The following BID variants were observed in gnomAD, a reference collection of about 807,000 sequenced individuals.
BID encodes BH3 interacting domain death agonist.
In BID, 19 loss-of-function variants were observed where a neutral mutation model predicts 17.4. The observed-to-expected ratio is 1.09, with a 90% CI of 0.76 to 1.60. The LOEUF (loss-of-function observed/expected upper bound fraction) is 1.60, where lower values mean the gene tolerates loss of function less well. BID is among the 40% of genes most tolerant of loss of function. The probability of loss-of-function intolerance (pLI) is 0.00; values close to 1 mark genes in which losing one functional copy is unlikely to be tolerated. For missense variants in BID, 226 were observed against 256.0 expected (o/e 0.88, Z 0.80); for synonymous variants, 108 against 102.8 (o/e 1.05, Z -0.31).
intron 2 of BID, among the ~76,000 whole-genome samples, chr22:17,747,256 C>T (rs1219941634): frequency 6.6e-6 from 1 of 152,182 alleles, no homozygotes; most frequent in Non-Finnish European, 1.5e-5. Flanking sequence ...AGATGGATGC[C>T]ATTTAATTCC....
At position 17,773,497 on chromosome 22, in the gene BID, C is replaced by T. The variant is rs558658535; in HGVS notation, c.-59+884G>A. 3.6e-6 allele frequency: 4 copies of T among 1,100,164 alleles called. No individual in the cohort carries two copies. The highest frequency in any genetic ancestry group is 5.0e-5 in the East Asian group (2 of 39,606). 68.2% of individuals were successfully genotyped at this position (1,100,164 alleles called of 1,614,324 possible). On this transcript the variant is annotated intron_variant, in intron 1 of 5. Coordinates refer to ENST00000622694, the MANE Select transcript of BID (RefSeq NM_001196.4). This position sits in a 1 kb window ranked among gnomAD's most constrained non-coding sequence, Gnocchi z 4.4. ...TAAGGCTCCAGGAAGGGGGTGCAAG[C>T]CTGAGAAGGTGGAAGAGCTCTGGGT...
chr22:17,767,781 G>A (rs928696080), intron 1 of BID, among the ~76,000 whole-genome samples: 2 of 152,138 alleles, frequency 1.3e-5, no homozygotes, highest in Admixed American at 6.5e-5. Flanking sequence ...CAGCGTCCGC[G>A]AAGTGAAAAG....
At chr22:17,755,148 G>A (rs1045446784) in intron 1 of BID, among the ~76,000 whole-genome samples, 5 of 140,248 alleles carry the variant, frequency 3.6e-5, no homozygotes, top group Middle Eastern at 3.7e-3. Flanking sequence ...GCGGTGGCAC[G>A]ATCTCAGCTC....
chr22:17,765,306 G>T (rs772088421), intron 1 of BID, among the ~76,000 whole-genome samples: 2 of 152,152 alleles, frequency 1.3e-5, no homozygotes, highest in Admixed American at 1.3e-4. Context: ...GGGGAACTGA[G>T]GCATTGAAAG....
chr22:17,743,462 C>T (rs1042416140), intron 3 of BID, among the ~76,000 whole-genome samples: 7 of 152,230 alleles, frequency 4.6e-5, no homozygotes, highest in Non-Finnish European at 1.0e-4. Flanking sequence ...GACAAGTGGT[C>T]TGCAATCTTT....
intron 1 of BID, among the ~76,000 whole-genome samples, chr22:17,757,992 G>A (rs1383096775): frequency 6.6e-6 from 1 of 152,188 alleles, no homozygotes; most frequent in Non-Finnish European, 1.5e-5. Flanking sequence ...TGGCCATGTG[G>A]GGCTGACAGC....
intron 2 of BID, among the ~76,000 whole-genome samples, chr22:17,749,472 G>A (rs184281461): frequency 2.6e-4 from 40 of 152,264 alleles, no homozygotes; most frequent in African/African-American, 7.7e-4. Context: ...AAGCCACCTC[G>A]CCCAGCTATG....
At chr22:17,746,174 T>C (rs1292673774) in intron 2 of BID, among the ~76,000 whole-genome samples, 3 of 146,962 alleles carry the variant, frequency 2.0e-5, no homozygotes, top group Non-Finnish European at 3.0e-5. Flanking sequence ...AAACAATGGG[T>C]GCCCATGGAC....
chr22:17,759,259 A>AAAAAAAAAAAAC (rs2061618685), intron 1 of BID, among the ~76,000 whole-genome samples: 1 of 95,462 alleles, frequency 1.0e-5, no homozygotes, highest in Non-Finnish European at 2.5e-5. Context: ...AAAAAAAAAA[A>AAAAAAAAAAAAC]CAAAAGAACC....
chr22:17,755,355 C>T (rs767439218), intron 1 of BID, among the ~76,000 whole-genome samples: 17 of 152,020 alleles, frequency 1.1e-4, no homozygotes, highest in Non-Finnish European at 2.4e-4. Flanking sequence ...TGTGAACACA[C>T]ATGGACCATG....
At chr22:17,767,917 C>T (rs1038389150) in intron 1 of BID, among the ~76,000 whole-genome samples, 1 of 152,156 alleles carries the variant, frequency 6.6e-6, no homozygotes, top group Admixed American at 6.6e-5. Flanking sequence ...GAGACCCTGT[C>T]TCTACAAAAA....
intron 1 of BID, among the ~76,000 whole-genome samples, chr22:17,771,007 T>C (rs2061715050): frequency 6.6e-6 from 1 of 152,212 alleles, no homozygotes; most frequent in Non-Finnish European, 1.5e-5. Flanking sequence ...CACCCACGGC[T>C]TCCACTAGGA....
At chr22:17,763,698 C>G (rs1420569112) in intron 1 of BID, among the ~76,000 whole-genome samples, 2 of 148,688 alleles carry the variant, frequency 1.3e-5, no homozygotes, top group Non-Finnish European at 3.0e-5. Flanking sequence ...GCTTCCTCAA[C>G]ATGAAAACAT....
At chr22:17,756,543 C>CT (rs1203304553) in intron 1 of BID, among the ~76,000 whole-genome samples, 13,551 of 141,390 alleles carry the variant, frequency 0.096, 945 homozygotes, top group Middle Eastern at 0.18. Context: ...TCTTTCCTTC[C>CT]TTCCTTCTTT....
At chr22:17,739,323 C>G in intron 4 of BID, 26 bp downstream of exon 4, 1 of 1,540,832 alleles carries the variant, frequency 6.5e-7, no homozygotes, top group Non-Finnish European at 8.8e-7. Context: ...CTTGCCCGCC[C>G]ACGCGGTCCT....
At chr22:17,759,495 T>C (rs1860656304) in intron 1 of BID, among the ~76,000 whole-genome samples, 1 of 151,850 alleles carries the variant, frequency 6.6e-6, no homozygotes, top group Admixed American at 6.6e-5. Flanking sequence ...GAGGTTGCAG[T>C]GAGCCGAGAT....
At position 17,756,607 on chromosome 22, in the gene BID, G is replaced by A. The variant is rs12159477; in HGVS notation, c.-58-6433C>T. On this transcript the variant is annotated intron_variant, in intron 1 of 5. Coordinates refer to ENST00000622694, the MANE Select transcript of BID (RefSeq NM_001196.4). Reference sequence around the variant, plus strand: ...TTTTTCTTTTTTGAGATGGAGTCTCGCTCTGTTACCCAGGCCGGAGTGCAA... The same window carrying A: ...TTTTTCTTTTTTGAGATGGAGTCTCACTCTGTTACCCAGGCCGGAGTGCAA... Among the ~76,000 whole-genome samples the A allele has an allele frequency of 8.0e-3, 963 of 120,040 alleles. 8 individuals carry two copies. The highest frequency in any genetic ancestry group is 0.025 in the African/African-American group (888 of 34,862). The allele number at this position is 120,040 out of a possible 152,430, so 78.8% of individuals were successfully genotyped here. A position where few individuals can be genotyped will look rare whatever the true frequency, so the allele number is the denominator to read the frequency against.
chr22:17,748,101 C>T (rs968030498), intron 2 of BID, among the ~76,000 whole-genome samples: 3 of 149,228 alleles, frequency 2.0e-5, no homozygotes, highest in African/African-American at 7.5e-5. Flanking sequence ...CCCAGCTACT[C>T]GAGAGGCTGA....
In BID at chr22:17,743,897, C is replaced by T. The variant is rs1344034432; in HGVS notation, c.129G>A (p.Glu43=). 2.5e-6 allele frequency: 4 copies of T among 1,613,582 alleles called. No homozygotes were observed. In the African/African-American group the frequency reaches 4.0e-5, roughly 16 times the overall value. Residue 43 remains glutamate, a synonymous_variant, in exon 3 of 6, where the codon GAG becomes GAA. Transcript: ENST00000622694. ...CCCACTGGGGAGCCAGCACTGGCAG[C>T]TCGTGGCCCAGTGCGTCCAGCTCTC... ...FRRELDALGH[E]LPVLAPQWEG...
Sources: allele counts gnomAD v4.1 joint callset (sites outside exome capture counted in the v4.1 genomes callset), GRCh38; gene constraint gnomAD v4.1.1; non-coding constraint Gnocchi (gnomAD v3.1); transcripts MANE v1.5; gene names NCBI Gene and HGNC (gene_info 2026-07-23, HGNC 2026-07-21).